Variants in PCBP3 observed in about 807,000 individuals in gnomAD.
PCBP3 encodes the protein poly(rC)-binding protein 3.
A neutral mutation model predicts 52.7 loss-of-function variants in PCBP3; 25 were observed. That is an observed-to-expected ratio of 0.47 (90% confidence interval 0.35 to 0.66). The LOEUF (loss-of-function observed/expected upper bound fraction) is 0.66, where lower values mean the gene tolerates loss of function less well. PCBP3 is among the 30% of genes least tolerant of loss of function. PCBP3 has a pLI of 0.01. For synonymous variants in PCBP3, 162 were observed against 183.0 expected (o/e 0.89, Z 0.93); for missense variants, 391 against 490.3 (o/e 0.80, Z 1.91).
intron 17 of PCBP3, 29 bp from the exon 18 acceptor site, chr21:45,941,641 T>G (rs996979609): frequency 1.3e-6 from 2 of 1,599,100 alleles, no homozygotes; most frequent in Non-Finnish European, 1.7e-6. Context: ...TGTGACCGTC[T>G]CTCCCTCTCC....
rs1158604192 is a variant in PCBP3, at chr21:45,817,396, G to A, written c.-125-32565G>A. ...CTCCCCAGTAGTTCTGTCTCTCTCTGCCATTCCTCATGGAGTCCTTGCGTG... is the reference window on the plus strand; with the variant it reads ...CTCCCCAGTAGTTCTGTCTCTCTCTACCATTCCTCATGGAGTCCTTGCGTG... On this transcript the variant is annotated intron_variant, in intron 4 of 17. Transcript: ENST00000681687. This position sits in a 1 kb window ranked among gnomAD's most constrained non-coding sequence, Gnocchi z 4.3. 6.6e-6 allele frequency among the ~76,000 whole-genome samples: 1 copy of A among 152,174 alleles called. No homozygotes were observed. The highest frequency in any genetic ancestry group is 1.5e-5 in the Non-Finnish European group (1 of 68,028).
chr21:45,813,119 T>C (rs1254538764), intron 4 of PCBP3, among the ~76,000 whole-genome samples: 1 of 152,204 alleles, frequency 6.6e-6, no homozygotes, highest in Non-Finnish European at 1.5e-5. Context: ...CCCATTTCAG[T>C]CTTTCTTCTC....
At chr21:45,924,233 T>G (rs78414408) in intron 13 of PCBP3, among the ~76,000 whole-genome samples, 1 of 101,324 alleles carries the variant, frequency 9.9e-6, no homozygotes. Flanking sequence ...ATGTGAACAC[T>G]GGGAACAGTC....
intron 1 of PCBP3, among the ~76,000 whole-genome samples, chr21:45,653,618 T>C (rs2079828347): frequency 1.3e-5 from 2 of 152,132 alleles, no homozygotes; most frequent in South Asian, 4.1e-4. Flanking sequence ...CTTACTATAG[T>C]TTTATGCTTT....
At chr21:45,784,509 G>A (rs1016837810) in intron 4 of PCBP3, among the ~76,000 whole-genome samples, 5 of 151,754 alleles carry the variant, frequency 3.3e-5, no homozygotes, top group East Asian at 1.9e-4. Context: ...CTCTGATGCC[G>A]AGCCGAAGCT....
chr21:45,900,909 GT>G (rs992133237), intron 8 of PCBP3, 87 bp from the exon 9 acceptor site: 2 of 862,244 alleles, frequency 2.3e-6, no homozygotes, highest in African/African-American at 3.3e-5. Context: ...GCATGTGTTT[GT>G]GTCAATTGTC....
At chr21:45,840,739 T>G (rs148024545) in intron 4 of PCBP3, among the ~76,000 whole-genome samples, 1 of 152,100 alleles carries the variant, frequency 6.6e-6, no homozygotes, top group East Asian at 1.9e-4. Context: ...TCTTCCCACC[T>G]TAGCTTCCTG....
At chr21:45,758,032 G>A (rs1280939834) in intron 4 of PCBP3, among the ~76,000 whole-genome samples, 1 of 152,128 alleles carries the variant, frequency 6.6e-6, no homozygotes, top group Admixed American at 6.5e-5. Flanking sequence ...GGGATTACAG[G>A]CGTGCACCAC....
intron 2 of PCBP3, among the ~76,000 whole-genome samples, chr21:45,681,168 C>T (rs1194048534): frequency 1.3e-5 from 2 of 152,282 alleles, no homozygotes; most frequent in East Asian, 3.9e-4. Context: ...CTCTTAACAC[C>T]ACTACAATGG....
At chr21:45,839,913 C>G (rs1351023981) in intron 4 of PCBP3, among the ~76,000 whole-genome samples, 1 of 152,084 alleles carries the variant, frequency 6.6e-6, no homozygotes, top group Admixed American at 6.5e-5. Context: ...TCTCAAACTC[C>G]TGACCTCAAG....
intron 7 of PCBP3, 40 bp from the exon 8 acceptor site, chr21:45,900,551 G>T: frequency 1.3e-6 from 2 of 1,578,900 alleles, no homozygotes; most frequent in South Asian, 1.1e-5. Context: ...CTCAGAGCCA[G>T]AGGGATACCT....
At chr21:45,815,702 GGTGAGTA>G (rs1292978454) in intron 4 of PCBP3, among the ~76,000 whole-genome samples, 15 of 77,622 alleles carry the variant, frequency 1.9e-4, no homozygotes, top group Admixed American at 6.2e-4. Context: ...GTGAGTGAGT[GGTGAGTA>G]GTGAGTGATG....
At chr21:45,718,462 G>A (rs1179039780) in intron 2 of PCBP3, among the ~76,000 whole-genome samples, 1 of 151,916 alleles carries the variant, frequency 6.6e-6, no homozygotes, top group Non-Finnish European at 1.5e-5. Flanking sequence ...AAAGGTAGGT[G>A]TTTACAGCTT....
At chr21:45,717,221 T>C (rs899966831) in intron 2 of PCBP3, among the ~76,000 whole-genome samples, 3 of 152,210 alleles carry the variant, frequency 2.0e-5, no homozygotes, top group African/African-American at 7.2e-5. Context: ...AACTTTATTA[T>C]ACTAGTTTTT....
intron 5 of PCBP3, among the ~76,000 whole-genome samples, chr21:45,866,829 C>T (rs767435850): frequency 8.5e-5 from 13 of 152,194 alleles, no homozygotes; most frequent in South Asian, 2.1e-4. Context: ...ACCCCACCCC[C>T]GTCTGCATGT....
rs547507004 is a variant in PCBP3 at position 45,684,360 on chromosome 21, AAGAG to A, written c.-200+15412_-200+15415del. Among the ~76,000 whole-genome samples, 12 of 152,322 alleles carry A rather than the reference AAGAG, an allele frequency of 7.9e-5. No individual in the cohort carries two copies. The South Asian group carries it at 2.5e-3, about 32-fold the overall frequency. Reference sequence around the variant, plus strand: ...AAGGAAGGACCTGAGATTAACTCATAAGAGAGATAGAGAATTACTGATTTTACTG... The same window carrying A: ...AAGGAAGGACCTGAGATTAACTCATAAGATAGAGAATTACTGATTTTACTG... On this transcript the variant is annotated intron_variant, in intron 2 of 17. Coordinates refer to ENST00000681687, the MANE Select transcript of PCBP3 (RefSeq NM_001384156.1).
At chr21:45,798,249 A>T (rs1453692359) in intron 4 of PCBP3, among the ~76,000 whole-genome samples, 1 of 149,386 alleles carries the variant, frequency 6.7e-6, no homozygotes, top group Non-Finnish European at 1.5e-5. Flanking sequence ...GGATGAATGC[A>T]TGGATCCATA....
chr21:45,764,128 T>C (rs2089028926), intron 4 of PCBP3, among the ~76,000 whole-genome samples: 1 of 151,268 alleles, frequency 6.6e-6, no homozygotes, highest in East Asian at 1.9e-4. Flanking sequence ...TCTTTTTTTT[T>C]TTTTTGTTTT....
intron 5 of PCBP3, chr21:45,871,402 G>T (rs998868439): frequency 1.4e-4 from 22 of 156,030 alleles, no homozygotes; most frequent in Non-Finnish European, 2.8e-4. Flanking sequence ...GCTACGCGGG[G>T]CTTGCCTGAG....
Sources: allele counts gnomAD v4.1 joint callset (sites outside exome capture counted in the v4.1 genomes callset), GRCh38; gene constraint gnomAD v4.1.1; non-coding constraint Gnocchi (gnomAD v3.1); transcripts MANE v1.5; gene names NCBI Gene and HGNC (gene_info 2026-07-23, HGNC 2026-07-21).